Variants in IRAK2 observed in about 807,000 individuals in gnomAD.
IRAK2 encodes the protein interleukin-1 receptor-associated kinase-like 2.
IRAK2 carries 57 observed loss-of-function variants against 72.0 expected under a neutral mutation model. The ratio of observed to expected loss-of-function variants is 0.79; its 90% CI spans 0.64 to 0.99. IRAK2 has a LOEUF of 0.99. IRAK2 is among the 50% of genes least tolerant of loss of function. The pLI, the probability that IRAK2 is intolerant of heterozygous loss-of-function variation, is 0.00. For missense variants in IRAK2, 790 were observed against 794.4 expected (o/e 0.99, Z 0.07); for synonymous variants, 293 against 312.7 (o/e 0.94, Z 0.67).
intron 2 of IRAK2, among the ~76,000 whole-genome samples, chr3:10,192,660 A>G (rs886356562): frequency 3.3e-5 from 5 of 152,220 alleles, no homozygotes; most frequent in African/African-American, 9.7e-5. Context: ...TAGAGTGGTC[A>G]TTATAATAAC....
intron 7 of IRAK2, among the ~76,000 whole-genome samples, chr3:10,219,398 A>G (rs1215731491): frequency 2.0e-5 from 3 of 151,712 alleles, no homozygotes; most frequent in African/African-American, 7.3e-5. Flanking sequence ...GGCTTACTGC[A>G]AGCTCTGCCT....
Position 10,238,802 on chromosome 3 carries a change from C to T in IRAK2, c.1528C>T (p.Leu510Phe). 2 of 1,614,138 alleles carry T rather than the reference C, an allele frequency of 1.2e-6. No individual in the cohort carries two copies. Among genetic ancestry groups the T allele is most frequent in the Non-Finnish European group, 1.7e-6 (2 of 1,180,004 alleles). The change falls in exon 12 of 13, where the codon CTC becomes TTC. Residue 510 changes from leucine (L) to phenylalanine (F), a missense_variant. Leu to Phe is a conservative substitution (Grantham distance 22, BLOSUM62 0). Coordinates refer to ENST00000256458, the MANE Select transcript of IRAK2 (RefSeq NM_001570.4). ...EERLRGRETL[L>F]PWSGLSEGTG... ...GCGGCTCCGAGGTCGGGAGACGTTGCTCCCTTGGAGTGGGCTTTCTGAGGG... is the reference window on the plus strand; with the variant it reads ...GCGGCTCCGAGGTCGGGAGACGTTGTTCCCTTGGAGTGGGCTTTCTGAGGG...
At chr3:10,190,635 A>G (rs552988097) in intron 2 of IRAK2, among the ~76,000 whole-genome samples, 6 of 152,298 alleles carry the variant, frequency 3.9e-5, no homozygotes, top group African/African-American at 1.2e-4. Context: ...GAGGAAGGGT[A>G]AGAGCTAGGG....
intron 7 of IRAK2, 52 bp from the exon 8 acceptor site, chr3:10,219,628 C>T: frequency 7.0e-7 from 1 of 1,432,036 alleles, no homozygotes; most frequent in South Asian, 1.2e-5. Context: ...GCCATCAGGA[C>T]TTTAAAAAGG....
intron 4 of IRAK2, among the ~76,000 whole-genome samples, chr3:10,211,956 T>C (rs1489026565): frequency 6.6e-6 from 1 of 151,670 alleles, no homozygotes; most frequent in Non-Finnish European, 1.5e-5. Flanking sequence ...GGTGGGTGCC[T>C]GTAGTCCCAG....
At chr3:10,240,646 G>A (rs1369251758) in intron 12 of IRAK2, among the ~76,000 whole-genome samples, 3 of 133,966 alleles carry the variant, frequency 2.2e-5, no homozygotes, top group East Asian at 2.5e-4. Context: ...GGCAGCCTCC[G>A]CCTCCCGGGT....
intron 1 of IRAK2, 37 bp from the exon 2 acceptor site, chr3:10,177,801 C>T (rs1575954696): frequency 2.5e-6 from 4 of 1,600,196 alleles, no homozygotes. Flanking sequence ...GGGACTGCCT[C>T]TCTGACTCTA....
chr3:10,215,751 TACACACAC>T (rs145978380), intron 6 of IRAK2, among the ~76,000 whole-genome samples: 17 of 150,026 alleles, frequency 1.1e-4, no homozygotes, highest in African/African-American at 2.5e-4. Flanking sequence ...CTCACATGTG[TACACACAC>T]ACACACACAC....
intron 1 of IRAK2, among the ~76,000 whole-genome samples, chr3:10,168,335 C>A (rs891364710): frequency 6.6e-6 from 1 of 151,902 alleles, no homozygotes. Flanking sequence ...CTCAGCCTCC[C>A]AAGTAGCTGG....
In IRAK2 at chr3:10,238,932, C is replaced by T; in HGVS notation, c.1658C>T (p.Thr553Ile). The T allele has an allele frequency of 1.9e-6, 3 of 1,614,096 alleles. No homozygotes were observed. Among genetic ancestry groups the T allele is most frequent in the East Asian group, 4.5e-5 (2 of 44,870 alleles). The change falls in exon 12 of 13, where the codon ACC (threonine) becomes ATC (isoleucine). Residue 553 changes from threonine to isoleucine, a missense_variant. Coordinates refer to ENST00000256458, the MANE Select transcript of IRAK2 (RefSeq NM_001570.4). ...MSVAPWAGAATPLLPTENGEG... is the reference protein window; with the variant it reads ...MSVAPWAGAAIPLLPTENGEG... Reference sequence around the variant, plus strand: ...GTGGCACCCTGGGCAGGGGCTGCCACCCCACTTCTCCCCACAGAGAATGGG... The same window carrying T: ...GTGGCACCCTGGGCAGGGGCTGCCATCCCACTTCTCCCCACAGAGAATGGG...
In IRAK2 at chr3:10,165,020, G is replaced by A. The variant is rs748394830; in HGVS notation, c.66G>A (p.Ala22=). Reference sequence around the variant, plus strand: ...ACGACCTGTGCCGCAACATGGACGCGCTCAGCGAGTGGGACTGGATGGAGT... The same window carrying A: ...ACGACCTGTGCCGCAACATGGACGCACTCAGCGAGTGGGACTGGATGGAGT... ...VLDDLCRNMD[A]LSEWDWMEFA... Residue 22 remains alanine, a synonymous_variant, in exon 1 of 13, where the codon GCG becomes GCA. Coordinates refer to ENST00000256458, the MANE Select transcript of IRAK2 (RefSeq NM_001570.4). The A allele has an allele frequency of 4.3e-6, 7 of 1,611,566 alleles. No homozygotes were observed. The highest frequency in any genetic ancestry group is 1.1e-5 in the South Asian group (1 of 90,924).
intron 6 of IRAK2, among the ~76,000 whole-genome samples, chr3:10,214,428 G>A (rs978687623): frequency 3.9e-5 from 4 of 103,718 alleles, no homozygotes; most frequent in African/African-American, 1.2e-4. Flanking sequence ...ATAGGGTCTT[G>A]CTATGTTGAC....
intron 3 of IRAK2, among the ~76,000 whole-genome samples, chr3:10,208,147 G>A (rs1314977626): frequency 6.6e-6 from 1 of 151,984 alleles, no homozygotes; most frequent in Non-Finnish European, 1.5e-5. Flanking sequence ...CATGGTGGCT[G>A]GTCCGCACAG....
chr3:10,228,936 A>AT (rs35822142), intron 10 of IRAK2, among the ~76,000 whole-genome samples: 17,489 of 144,320 alleles, frequency 0.12, 1,366 homozygotes, highest in Admixed American at 0.26. Flanking sequence ...TTGTAGTGGC[A>AT]TTTTTTTTTT....
intron 7 of IRAK2, among the ~76,000 whole-genome samples, chr3:10,218,700 C>T (rs1351216348): frequency 3.9e-5 from 6 of 152,298 alleles, no homozygotes; most frequent in Middle Eastern, 6.8e-3. Flanking sequence ...GCTGATTGAG[C>T]ACCTACTGTG....
chr3:10,174,197 C>T (rs1696838800), intron 1 of IRAK2, among the ~76,000 whole-genome samples: 1 of 152,196 alleles, frequency 6.6e-6, no homozygotes, highest in South Asian at 2.1e-4. Flanking sequence ...CATCACTTCC[C>T]ACTGACCAGC....
At chr3:10,181,162 G>T (rs1696953314) in intron 2 of IRAK2, among the ~76,000 whole-genome samples, 1 of 152,212 alleles carries the variant, frequency 6.6e-6, no homozygotes, top group African/African-American at 2.4e-5. Flanking sequence ...AGTGGAGAGG[G>T]TCAGCTAGCT....
intron 3 of IRAK2, among the ~76,000 whole-genome samples, chr3:10,202,689 C>CTTTTTTT (rs374939802): frequency 2.0e-5 from 2 of 98,058 alleles, no homozygotes; most frequent in African/African-American, 4.0e-5. Flanking sequence ...ACTTTCTTTC[C>CTTTTTTT]TTTTTTTTTT....
At chr3:10,240,848 C>T (rs994449498) in intron 12 of IRAK2, among the ~76,000 whole-genome samples, 1 of 151,588 alleles carries the variant, frequency 6.6e-6, no homozygotes, top group Non-Finnish European at 1.5e-5. Context: ...TATGAGCCAC[C>T]GCACCCGACC....
Sources: allele counts gnomAD v4.1 joint callset (sites outside exome capture counted in the v4.1 genomes callset), GRCh38; gene constraint gnomAD v4.1.1; transcripts MANE v1.5; gene names NCBI Gene and HGNC (gene_info 2026-07-23, HGNC 2026-07-21).